Variants in RIMKLB observed in about 807,000 individuals in gnomAD.
RIMKLB encodes the protein beta-citrylglutamate synthase B.
RIMKLB carries 7 observed loss-of-function variants against 32.0 expected under a neutral mutation model. The observed-to-expected ratio is 0.22, with a 90% CI of 0.12 to 0.41. The LOEUF (loss-of-function observed/expected upper bound fraction) is 0.41, where lower values mean the gene tolerates loss of function less well. Ranked by LOEUF, RIMKLB falls within the 10% of genes least tolerant of loss-of-function variation. The pLI is 1.00. For missense variants in RIMKLB, 289 were observed against 498.7 expected (o/e 0.58, Z 4.00); for synonymous variants, 172 against 185.1 (o/e 0.93, Z 0.57).
At chr12:8,674,900 G>C in the RIMKLB span, among the ~76,000 whole-genome samples, 1 of 134,504 alleles carries the variant, frequency 7.4e-6, no homozygotes, top group Non-Finnish European at 1.5e-5. Flanking sequence ...GTCTGGCTCT[G>C]TCTCCCAGGC....
At chr12:8,690,071 TC>T (rs767765505) in intron 1 of RIMKLB, among the ~76,000 whole-genome samples, 11 of 152,216 alleles carry the variant, frequency 7.2e-5, no homozygotes, top group Admixed American at 1.3e-4. Flanking sequence ...ACCCTCTTTG[TC>T]CCAGCATGTC....
chr12:8,757,635 G>T lies in RIMKLB; in HGVS notation c.697+3542G>T, dbSNP rs140996739. Reference sequence around the variant, plus strand: ...CTCTCTTCCCCACATCCTGAACTTGGTATTTATCTTTCCTATAATGTACTT... The same window carrying T: ...CTCTCTTCCCCACATCCTGAACTTGTTATTTATCTTTCCTATAATGTACTT... On this transcript the variant is annotated intron_variant, in intron 5 of 5. Transcript: ENST00000535829. Among the ~76,000 whole-genome samples the T allele has an allele frequency of 4.6e-4, 70 of 152,014 alleles. 2 individuals are homozygous for T. The highest frequency in any genetic ancestry group is 1.6e-3 in the African/African-American group (65 of 41,428).
At chr12:8,695,456 C>A (rs899688590), upstream of RIMKLB, among the ~76,000 whole-genome samples, 2 of 151,834 alleles carry the variant, frequency 1.3e-5, no homozygotes, top group African/African-American at 4.8e-5. Context: ...TAATTTTTGC[C>A]CCCTTATTAC....
chr12:8,779,024 T>C (rs1950891627), downstream of RIMKLB: 1 of 152,150 alleles, frequency 6.6e-6, no homozygotes, highest in African/African-American at 2.4e-5. Context: ...TGGAATTTAC[T>C]AACAGAGGGA....
rs1160184478 is a variant in RIMKLB, at chr12:8,698,313, G to T, written c.-57+16G>T. ...CCCGACCCAGGTGAGCGGTACGACC[G>T]CTGTTGCCCTCGGGTGTAGAGCAGT... On this transcript the variant is annotated intron_variant, in intron 1 of 5. Coordinates refer to ENST00000535829, the MANE Select transcript of RIMKLB (RefSeq NM_001297776.2). 6.3e-6 allele frequency: 2 copies of T among 317,890 alleles called. No individual in the cohort carries two copies. The highest frequency in any genetic ancestry group is 2.3e-5 in the African/African-American group (1 of 43,764). 19.7% of individuals were successfully genotyped at this position (317,890 alleles called of 1,614,324 possible).
intron 1 of RIMKLB, among the ~76,000 whole-genome samples, chr12:8,707,984 G>A (rs935648053): frequency 1.3e-5 from 2 of 152,038 alleles, no homozygotes; most frequent in African/African-American, 2.4e-5. Context: ...ACTGACAAAT[G>A]GAATAAATGC....
chr12:8,769,958 G>A (rs747904477), intron 5 of RIMKLB, among the ~76,000 whole-genome samples: 1 of 151,070 alleles, frequency 6.6e-6, no homozygotes, highest in African/African-American at 2.4e-5. Flanking sequence ...GTCAAGTACT[G>A]TTGTAGCAAT....
chr12:8,719,558 G>A (rs778438288), intron 2 of RIMKLB, among the ~76,000 whole-genome samples: 3 of 152,048 alleles, frequency 2.0e-5, no homozygotes, highest in East Asian at 1.9e-4. Context: ...TAGTAGAGAC[G>A]GGGTTTCACC....
chr12:8,723,804 CTTTTT>C (rs35269536), intron 2 of RIMKLB, among the ~76,000 whole-genome samples: 85 of 75,520 alleles, frequency 1.1e-3, no homozygotes, highest in Non-Finnish European at 1.6e-3. Flanking sequence ...CTTCAGTTCC[CTTTTT>C]TTTTTTTTTT....
intron 2 of RIMKLB, among the ~76,000 whole-genome samples, chr12:8,718,655 A>ATG (rs1369568205): frequency 1.0e-4 from 13 of 125,150 alleles, no homozygotes; most frequent in African/African-American, 3.8e-4. Flanking sequence ...CTCTCTCTCT[A>ATG]TATATATATA....
chr12:8,710,410 C>T (rs1200767985), intron 1 of RIMKLB, among the ~76,000 whole-genome samples: 1 of 150,054 alleles, frequency 6.7e-6, no homozygotes, highest in Admixed American at 6.7e-5. Context: ...TGGGTTCAAG[C>T]GATTATCCTG....
intron 1 of RIMKLB, among the ~76,000 whole-genome samples, chr12:8,685,895 C>T (rs1021563602): frequency 6.6e-6 from 1 of 152,140 alleles, no homozygotes; most frequent in Admixed American, 6.5e-5. Flanking sequence ...GCAACCTCCA[C>T]CTCCCAGGTT....
chr12:8,753,765 A>C (rs1211741801), intron 4 of RIMKLB, 125 bp from the exon 5 acceptor site: 2 of 730,798 alleles, frequency 2.7e-6, no homozygotes, highest in African/African-American at 3.6e-5. Flanking sequence ...CTAACAAAGA[A>C]AACTTAAAAA....
At chr12:8,701,611 T>G (rs901876857) in intron 1 of RIMKLB, among the ~76,000 whole-genome samples, 1 of 151,950 alleles carries the variant, frequency 6.6e-6, no homozygotes, top group Non-Finnish European at 1.5e-5. Context: ...GGATCAGTTA[T>G]ATGACCGTTA....
At chr12:8,710,880 C>T (rs747000841) in intron 1 of RIMKLB, among the ~76,000 whole-genome samples, 1 of 149,466 alleles carries the variant, frequency 6.7e-6, no homozygotes, top group Non-Finnish European at 1.5e-5. Flanking sequence ...ATAACCCCAG[C>T]ACTTTGGGAG....
Position 8,744,605 on chromosome 12 carries a change from A to G in RIMKLB, c.176-5257A>G, listed in dbSNP as rs1351203291. ...TAATGGTTTTGATTGTTCTCTCCTGATTTTCTTATTTTTTATAATACTATT... is the reference window on the plus strand; with the variant it reads ...TAATGGTTTTGATTGTTCTCTCCTGGTTTTCTTATTTTTTATAATACTATT... On this transcript the variant is annotated intron_variant, in intron 2 of 5. Coordinates refer to ENST00000535829, the MANE Select transcript of RIMKLB (RefSeq NM_001297776.2). Among the ~76,000 whole-genome samples, 3 of 150,892 alleles carry G rather than the reference A, an allele frequency of 2.0e-5. 1 individual carries two copies. Among genetic ancestry groups the G allele is most frequent in the African/African-American group, 7.4e-5 (3 of 40,796 alleles).
chr12:8,707,246 C>T (rs767941633), intron 1 of RIMKLB, among the ~76,000 whole-genome samples: 2 of 152,294 alleles, frequency 1.3e-5, no homozygotes, highest in African/African-American at 2.4e-5. Context: ...TGCCCCCCAC[C>T]AGTACAGGCC....
intron 2 of RIMKLB, among the ~76,000 whole-genome samples, chr12:8,731,092 G>GT (rs1322781488): frequency 7.1e-6 from 1 of 140,496 alleles, no homozygotes; most frequent in South Asian, 2.2e-4. Flanking sequence ...ACCTTTCACT[G>GT]TTTCTCTTTT....
chr12:8,738,991 G>A (rs1947259929), intron 2 of RIMKLB, among the ~76,000 whole-genome samples: 1 of 152,162 alleles, frequency 6.6e-6, no homozygotes, highest in South Asian at 2.1e-4. Flanking sequence ...CACATTTGAG[G>A]TTAACACTTA....
Sources: allele counts gnomAD v4.1 joint callset (sites outside exome capture counted in the v4.1 genomes callset), GRCh38; gene constraint gnomAD v4.1.1; transcripts MANE v1.5; gene names NCBI Gene and HGNC (gene_info 2026-07-23, HGNC 2026-07-21).